Variants in FLT1 observed in about 807,000 individuals in gnomAD.
FLT1 encodes vascular endothelial growth factor receptor 1.
FLT1 carries 49 observed loss-of-function variants against 156.3 expected under a neutral mutation model. That is an observed-to-expected ratio of 0.31 (90% CI 0.25 to 0.40). The LOEUF is 0.40. FLT1 is among the 10% of genes least tolerant of loss of function. The pLI is 1.00. For missense variants in FLT1, 1,322 were observed against 1,637.2 expected (o/e 0.81, Z 3.32); for synonymous variants, 594 against 583.8 (o/e 1.02, Z -0.25).
At chr13:28,312,951 ATTTTATTTTTATTTTTAT>A (rs60905945) in intron 25 of FLT1, among the ~76,000 whole-genome samples, 1,533 of 142,996 alleles carry the variant, frequency 0.011, 64 homozygotes, top group Admixed American at 0.078. Context: ...CTTCTCTTAC[ATTTTATTTTTATTTTTAT>A]TTTTATTTTT....
At chr13:28,422,859 G>T (rs527878816) in intron 10 of FLT1, among the ~76,000 whole-genome samples, 81 of 152,162 alleles carry the variant, frequency 5.3e-4, no homozygotes, top group Non-Finnish European at 1.0e-3. Flanking sequence ...GACTGTCCTT[G>T]CCCTATCCTC....
chr13:28,302,127 T>C lies in FLT1; in HGVS notation c.*1040A>G, dbSNP rs994148232. Reference sequence around the variant, plus strand: ...TCCTCCATCAGCCCTCGTTTTGATATGGAGAAAACTCCTCTCCTCAGGACT... The same window carrying C: ...TCCTCCATCAGCCCTCGTTTTGATACGGAGAAAACTCCTCTCCTCAGGACT... On this transcript the variant is annotated 3_prime_UTR_variant, in exon 30 of 30. Transcript: ENST00000282397. 5 of 225,126 alleles carry C rather than the reference T, an allele frequency of 2.2e-5. No individual in the cohort carries two copies. The highest frequency in any genetic ancestry group is 6.3e-5 in the East Asian group (1 of 15,986). The allele number at this position is 225,126 out of a possible 1,614,324, so 13.9% of individuals were successfully genotyped here.
chr13:28,480,683 C>G (rs1395600760), intron 1 of FLT1, among the ~76,000 whole-genome samples: 1 of 152,132 alleles, frequency 6.6e-6, no homozygotes, highest in African/African-American at 2.4e-5. Flanking sequence ...ACATACATTT[C>G]CTTGTTTCTT....
rs869199622 is a variant in FLT1 at position 28,344,792 on chromosome 13, CTTTTTTTTTTTTTTT to C, written c.2355+638_2355+652del. On this transcript the variant is annotated intron_variant, in intron 16 of 29. Coordinates refer to ENST00000282397, the MANE Select transcript of FLT1 (RefSeq NM_002019.4). ...AGAGAAGTCAAAGGTGGGGCCTTTA[CTTTTTTTTTTTTTTT>C]TTTTTTTTTTTTTTTTGAGACAGGG... 1.1e-3 allele frequency among the ~76,000 whole-genome samples: 45 copies of C among 41,412 alleles called. No individual in the cohort carries two copies. The East Asian group carries it at 0.015, about 14-fold the overall frequency. 27.2% of individuals were successfully genotyped at this position (41,412 alleles called of 152,430 possible).
chr13:28,437,317 C>A (rs961155058), intron 4 of FLT1, among the ~76,000 whole-genome samples: 2 of 152,186 alleles, frequency 1.3e-5, no homozygotes, highest in African/African-American at 4.8e-5. Context: ...GAATCCTCCA[C>A]CACATTTCAG....
chr13:28,428,369 G>A (rs1375180123), intron 8 of FLT1, among the ~76,000 whole-genome samples: 2 of 151,886 alleles, frequency 1.3e-5, no homozygotes, highest in African/African-American at 4.8e-5. Context: ...CTCATGTGGA[G>A]TTCTTATTAG....
chr13:28,358,276 G>A (rs527441963), intron 14 of FLT1, among the ~76,000 whole-genome samples: 1 of 152,190 alleles, frequency 6.6e-6, no homozygotes, highest in Non-Finnish European at 1.5e-5. Flanking sequence ...AAGGCCTGGT[G>A]AGTCAATATA....
intron 10 of FLT1, among the ~76,000 whole-genome samples, chr13:28,424,128 G>A (rs1251704044): frequency 1.3e-5 from 2 of 151,612 alleles, no homozygotes; most frequent in Non-Finnish European, 2.9e-5. Context: ...AAGTAGTGGC[G>A]GGGTTTCATT....
intron 15 of FLT1, 135 bp downstream of exon 15, chr13:28,357,419 A>G (rs1872937087): frequency 1.1e-6 from 1 of 886,230 alleles, no homozygotes; most frequent in East Asian, 2.5e-5. Flanking sequence ...CCGGAGTGGC[A>G]GGGAGAGGGG....
intron 24 of FLT1, among the ~76,000 whole-genome samples, chr13:28,318,284 C>A (rs1275704571): frequency 6.6e-6 from 1 of 152,134 alleles, no homozygotes; most frequent in Non-Finnish European, 1.5e-5. Context: ...GCTTTGCGCT[C>A]CAGGGCTGGG....
At chr13:28,339,366 T>C in intron 16 of FLT1, 66 bp from the exon 17 acceptor site, 1 of 1,549,772 alleles carries the variant, frequency 6.5e-7, no homozygotes, top group Non-Finnish European at 8.8e-7. Context: ...AGATATTCCG[T>C]TAACATCCAC....
chr13:28,438,190 G>C (rs928695261), intron 4 of FLT1, 31 bp downstream of exon 4: 78 of 1,605,878 alleles, frequency 4.9e-5, no homozygotes, highest in Non-Finnish European at 6.5e-5. Context: ...TGCAGTGAAA[G>C]TATGCTGAGA....
At position 28,390,108 on chromosome 13, in the gene FLT1, TA is replaced by T; in HGVS notation, c.1661-5del. 1 of 1,611,780 alleles carries T rather than the reference TA, an allele frequency of 6.2e-7. No homozygotes were observed. Among genetic ancestry groups the T allele is most frequent in the South Asian group, 1.1e-5 (1 of 91,010 alleles). On this transcript the variant is annotated splice_polypyrimidine_tract_variant and splice_region_variant and intron_variant, in intron 12 of 29. Coordinates refer to ENST00000282397, the MANE Select transcript of FLT1 (RefSeq NM_002019.4). ...ACATGAAACCCATTTGGCACATCTA[TA>T]AAATAAGAATAAAGAACTTCAGTTC...
intron 11 of FLT1, among the ~76,000 whole-genome samples, chr13:28,404,968 C>T (rs566468027): frequency 6.6e-4 from 98 of 148,696 alleles, no homozygotes; most frequent in African/African-American, 2.3e-3. Flanking sequence ...TGCAGTGAGC[C>T]GAGATCACGC....
At chr13:28,393,763 T>A (rs781409756) in intron 12 of FLT1, among the ~76,000 whole-genome samples, 4 of 152,098 alleles carry the variant, frequency 2.6e-5, no homozygotes, top group Non-Finnish European at 4.4e-5. Context: ...GTTTTTGTAT[T>A]TTTTGTAGAG....
intron 20 of FLT1, among the ~76,000 whole-genome samples, chr13:28,327,256 A>C (rs1226743529): frequency 6.6e-6 from 1 of 152,268 alleles, no homozygotes; most frequent in Non-Finnish European, 1.5e-5. Flanking sequence ...ATACGCACAC[A>C]GGGATCAAAT....
intron 16 of FLT1, 48 bp from the exon 17 acceptor site, chr13:28,339,348 CA>C: frequency 6.3e-7 from 1 of 1,598,710 alleles, no homozygotes; most frequent in Non-Finnish European, 8.5e-7. Flanking sequence ...AACAACTTTA[CA>C]AATCCTAGAT....
chr13:28,371,834 C>T (rs1873583101), intron 14 of FLT1, among the ~76,000 whole-genome samples: 1 of 151,796 alleles, frequency 6.6e-6, no homozygotes, highest in African/African-American at 2.4e-5. Context: ...GTCAGGCATC[C>T]TCTTGGGGTC....
At chr13:28,347,994 T>G (rs2080913546) in intron 15 of FLT1, among the ~76,000 whole-genome samples, 1 of 152,196 alleles carries the variant, frequency 6.6e-6, no homozygotes, top group Admixed American at 6.5e-5. Flanking sequence ...CTTCCAGCCT[T>G]TACAAGCGCA....
Sources: allele counts gnomAD v4.1 joint callset (sites outside exome capture counted in the v4.1 genomes callset), GRCh38; gene constraint gnomAD v4.1.1; transcripts MANE v1.5; gene names NCBI Gene and HGNC (gene_info 2026-07-23, HGNC 2026-07-21).